FAM199X: variants seen among roughly 807,000 people sequenced by gnomAD.
FAM199X encodes family with sequence similarity 199, X-linked.
FAM199X carries 4 observed loss-of-function variants against 22.9 expected under a neutral mutation model. The ratio of observed to expected loss-of-function variants is 0.17; its 90% confidence interval spans 0.09 to 0.40. The LOEUF (loss-of-function observed/expected upper bound fraction) is 0.40. Among genes scored for constraint, FAM199X ranks in the 10% least tolerant of loss-of-function variants. The pLI, the probability that FAM199X is intolerant of heterozygous loss-of-function variation, is 1.00. For synonymous variants in FAM199X, 101 were observed against 112.3 expected, an observed-to-expected ratio of 0.90 and a Z score of 0.64; for missense variants, 183 against 306.8, an observed-to-expected ratio of 0.60 and a Z score of 3.01.
At position 104,188,204 on chromosome X, in the gene FAM199X, C is replaced by T; in HGVS notation, c.894C>T (p.Ser298=). The T allele has an allele frequency of 2.5e-6, 3 of 1,212,142 alleles. No individual in the cohort carries two copies. Among genetic ancestry groups the T allele is most frequent in the Non-Finnish European group, 3.3e-6 (3 of 895,617 alleles). ...SMVSSASSSG[S]SVGNSASNSS... is the part of the protein sequence containing the mutation. ...TCAGTTCTGCAAGCAGCAGTGGGTC[C>T]AGTGTTGGAAACTCTGCTTCAAACT... The change falls in exon 5 of 6, where the codon TCC becomes TCT. Residue 298 remains serine (S), a synonymous_variant. Coordinates refer to ENST00000493442, the MANE Select transcript of FAM199X (RefSeq NM_207318.4).
intron 2 of FAM199X, among the ~76,000 whole-genome samples, chrX:104,184,971 T>C (rs1474048141): frequency 9.4e-6 from 1 of 106,063 alleles, no homozygotes; most frequent in Admixed American, 1.0e-4. Flanking sequence ...AGATGAGGTC[T>C]CGCTATGTTG....
rs1441339427 is a variant in FAM199X, at chrX:104,166,638, A to G, written c.-148A>G. 2.7e-4 allele frequency: 129 copies of G among 482,927 alleles called. No individual in the cohort carries two copies. Among genetic ancestry groups the G allele is most frequent in the Non-Finnish European group, 4.0e-4 (123 of 308,326 alleles). 39.8% of individuals were successfully genotyped at this position (482,927 alleles called of 1,213,427 possible). The stretch of plus-strand genomic sequence containing the variant: ...GCGGCCCCGCACCCCGGCAAGCAGC[A>G]GCGGGCCGCGACGCCCAGCCTGCCA... On this transcript the variant is annotated 5_prime_UTR_variant, in exon 1 of 6. Transcript: ENST00000493442.
Position 104,186,150 on chromosome X carries a change from A to G in FAM199X, c.502A>G (p.Lys168Glu). ...SIPSSPCLLP[K>E]KKNKHRNLDE... The stretch of plus-strand genomic sequence containing the variant: ...TCCAAGTTCACCTTGCCTGCTTCCT[A>G]AAAAGAAAAACAAGCACCGGAATTT... Residue 168 changes from lysine (K) to glutamate (E), a missense_variant, in exon 3 of 6, where the codon AAA becomes GAA. Physicochemically the swap from Lys to Glu is moderately conservative, Grantham distance 56 (BLOSUM62 1). This residue lies in a region of FAM199X where 128 missense variants were observed against 246.2 expected (regional missense o/e 0.52). Coordinates refer to ENST00000493442, the MANE Select transcript of FAM199X (RefSeq NM_207318.4). 1 of 1,211,090 alleles carries G rather than the reference A, an allele frequency of 8.3e-7. No individual in the cohort carries two copies. The highest frequency in any genetic ancestry group is 1.1e-6 in the Non-Finnish European group (1 of 895,094).
rs1921900614 is a variant in FAM199X at position 104,190,123 on chromosome X, G to A, written c.*345G>A. 3 of 162,021 alleles carry A rather than the reference G, an allele frequency of 1.9e-5. No homozygotes were observed. Among genetic ancestry groups the A allele is most frequent in the African/African-American group, 6.2e-5 (2 of 32,186 alleles). The allele number at this position is 162,021 out of a possible 1,213,427, so 13.4% of individuals were successfully genotyped here. On this transcript the variant is annotated 3_prime_UTR_variant, in exon 6 of 6. Transcript: ENST00000493442. The stretch of plus-strand genomic sequence containing the variant: ...GTTTTGACTGTTTAAAGTTTATGGC[G>A]GTGAAGTGGGCGTCTTCAAAGACTA...
chrX:104,177,253 A>G (rs1921514037), intron 2 of FAM199X, among the ~76,000 whole-genome samples: 1 of 111,802 alleles, frequency 8.9e-6, no homozygotes, highest in South Asian at 3.7e-4. Context: ...ACTTGGAATA[A>G]TGTTTTCAAG....
In FAM199X at chrX:104,166,767, A is replaced by C; in HGVS notation, c.-19A>C. On this transcript the variant is annotated 5_prime_UTR_variant, in exon 1 of 6. Coordinates refer to ENST00000493442, the MANE Select transcript of FAM199X (RefSeq NM_207318.4). ...AGCCCAGGGCCAGAGAGGGAGCCCG[A>C]GCCAGGCCATCTCCAACCATGTCCG... The C allele has an allele frequency of 8.4e-7, 1 of 1,192,731 alleles. No homozygotes were observed. Among genetic ancestry groups the C allele is most frequent in the Non-Finnish European group, 1.1e-6 (1 of 885,908 alleles).
chrX:104,167,515 A>ATT (rs1158112275), intron 1 of FAM199X, among the ~76,000 whole-genome samples: 2 of 98,964 alleles, frequency 2.0e-5, no homozygotes, highest in Non-Finnish European at 4.1e-5. Context: ...CCCCTACCCC[A>ATT]TTTTTTTTTT....
chrX:104,162,507 T>C (rs1444664845), upstream of FAM199X, among the ~76,000 whole-genome samples: 1 of 112,005 alleles, frequency 8.9e-6, no homozygotes, highest in African/African-American at 3.2e-5. Context: ...AGGGTTACAA[T>C]GTTTCATCTA....
chrX:104,178,078 G>A (rs927869965), intron 2 of FAM199X, among the ~76,000 whole-genome samples: 1 of 111,875 alleles, frequency 8.9e-6, no homozygotes, highest in Admixed American at 9.5e-5. Flanking sequence ...CTTACATGTA[G>A]GTCTTTGACC....
intron 1 of FAM199X, among the ~76,000 whole-genome samples, chrX:104,172,379 A>G (rs1388262001): frequency 2.8e-5 from 3 of 108,616 alleles, no homozygotes; most frequent in Non-Finnish European, 5.7e-5. Flanking sequence ...TGGTCGCACC[A>G]CTGCACTCCA....
chrX:104,173,299 A>G (rs1276725067), intron 1 of FAM199X, among the ~76,000 whole-genome samples: 3 of 112,206 alleles, frequency 2.7e-5, no homozygotes, highest in East Asian at 2.8e-4. Context: ...CGAGCATGTG[A>G]TGAAAGTAAT....
rs1170934185 is a variant in FAM199X at position 104,166,498 on chromosome X, C to T, written c.-288C>T. ...GTGGGCGGGGCGGGCCTGGCCGGGC[C>T]GGGCGGCGGCGCTGCGCTGACGGGC... is the stretch of plus-strand genomic sequence containing the variant. On this transcript the variant is annotated 5_prime_UTR_variant, in exon 1 of 6. Transcript: ENST00000493442. The T allele has an allele frequency of 1.1e-5, 2 of 179,252 alleles. No homozygotes were observed. The highest frequency in any genetic ancestry group is 2.1e-5 in the Non-Finnish European group (2 of 95,797). 14.8% of individuals were successfully genotyped at this position (179,252 alleles called of 1,213,427 possible).
At chrX:104,174,860 TATTC>T (rs1556376091) in intron 1 of FAM199X, among the ~76,000 whole-genome samples, 1 of 112,170 alleles carries the variant, frequency 8.9e-6, no homozygotes, top group Non-Finnish European at 1.9e-5. Context: ...ATCATTTTAT[TATTC>T]ATTCCTTTCT....
In FAM199X at chrX:104,192,992, C is replaced by T. The variant is rs1247384471; in HGVS notation, c.*3214C>T. The T allele has an allele frequency of 1.8e-5, 2 of 111,580 alleles. No homozygotes were observed. Among genetic ancestry groups the T allele is most frequent in the Admixed American group, 9.5e-5 (1 of 10,490 alleles). 9.2% of individuals were successfully genotyped at this position (111,580 alleles called of 1,213,427 possible). ...CATATTTTAGCCAGAAATATTAGTA[C>T]ACAACCAATATAGAAGTCTTGTTTG... On this transcript the variant is annotated 3_prime_UTR_variant, in exon 6 of 6. Transcript: ENST00000493442.
chrX:104,188,337 C>A, intron 5 of FAM199X, 31 bp downstream of exon 5: 1 of 1,196,143 alleles, frequency 8.4e-7, no homozygotes, highest in South Asian at 1.8e-5. Context: ...AAAACTTTAC[C>A]TTTCAATATT....
chrX:104,187,899 C>G (rs1419584550), intron 4 of FAM199X, 141 bp from the exon 5 acceptor site: 1 of 661,357 alleles, frequency 1.5e-6, no homozygotes, highest in African/African-American at 2.2e-5. Context: ...CTAAATTTAG[C>G]CTTTCTATTC....
rs1295496108 is a variant in FAM199X at position 104,192,759 on chromosome X, CCT to C, written c.*2984_*2985del. Reference sequence around the variant, plus strand: ...TAGGCTATGGCAGTTTTGTCCAGTTCCTCTGTCCCTTGAGTGAATTAGATATT... The same window carrying C: ...TAGGCTATGGCAGTTTTGTCCAGTTCCTGTCCCTTGAGTGAATTAGATATT... On this transcript the variant is annotated 3_prime_UTR_variant, in exon 6 of 6. Transcript: ENST00000493442. The C allele has an allele frequency of 2.7e-5, 3 of 110,545 alleles. No individual in the cohort carries two copies. In the Admixed American group the frequency reaches 2.9e-4, roughly 11 times the overall value. The allele number at this position is 110,545 out of a possible 1,213,427, so 9.1% of individuals were successfully genotyped here.
intron 1 of FAM199X, among the ~76,000 whole-genome samples, chrX:104,169,599 G>A (rs1199842181): frequency 2.7e-5 from 3 of 111,253 alleles, no homozygotes; most frequent in African/African-American, 9.8e-5. Flanking sequence ...ACAGAGTCCT[G>A]CTCTGTCATC....
In FAM199X at chrX:104,192,726, A is replaced by G. The variant is rs1323047744; in HGVS notation, c.*2948A>G. On this transcript the variant is annotated 3_prime_UTR_variant, in exon 6 of 6. Transcript: ENST00000493442. ...ACTTTTTTTTCATGAGACTTACCTC[A>G]TTTTTGTTAGGCTATGGCAGTTTTG... 9.0e-6 allele frequency: 1 copy of G among 111,261 alleles called. No homozygotes were observed. Among genetic ancestry groups the G allele is most frequent in the African/African-American group, 3.3e-5 (1 of 30,762 alleles). The allele number at this position is 111,261 out of a possible 1,213,427, so 9.2% of individuals were successfully genotyped here. A position where few individuals can be genotyped will look rare whatever the true frequency, so the allele number is the denominator to read the frequency against.
Sources: allele counts gnomAD v4.1 joint callset (sites outside exome capture counted in the v4.1 genomes callset), GRCh38; gene constraint gnomAD v4.1.1; regional missense constraint gnomAD v4.1.1; transcripts MANE v1.5; gene names NCBI Gene and HGNC (gene_info 2026-07-23, HGNC 2026-07-21).